DCT: variants seen among roughly 807,000 people sequenced by gnomAD.
DCT encodes the protein L-dopachrome tautomerase.
Under a neutral mutation model 53.0 loss-of-function variants are expected in DCT, and 47 were observed. The ratio of observed to expected loss-of-function variants is 0.89; its 90% CI spans 0.70 to 1.13. DCT has a LOEUF of 1.13. DCT is among the 50% of genes most tolerant of loss of function. The pLI, the probability that DCT is intolerant of heterozygous loss-of-function variation, is 0.00. For missense variants in DCT, 669 were observed against 637.4 expected (o/e 1.05, Z -0.53); for synonymous variants, 244 against 237.0 (o/e 1.03, Z -0.27).
At chr13:94,521,392 C>A in the DCT span, among the ~76,000 whole-genome samples, 4 of 152,168 alleles carry the variant, frequency 2.6e-5, no homozygotes, top group Admixed American at 2.6e-4. Flanking sequence ...CTTTAGTGGC[C>A]GGGCACGGTG....
chr13:94,535,695 T>C, the DCT span, among the ~76,000 whole-genome samples: 2 of 152,180 alleles, frequency 1.3e-5, no homozygotes, highest in African/African-American at 4.8e-5. Flanking sequence ...TGAAAATACA[T>C]GCAACATTCC....
the DCT span, among the ~76,000 whole-genome samples, chr13:94,520,231 T>C: frequency 1.3e-5 from 2 of 152,238 alleles, no homozygotes; most frequent in Non-Finnish European, 2.9e-5. Context: ...CTTTGTTCTC[T>C]TTATTTCACA....
At chr13:94,495,400 C>G in the DCT span, among the ~76,000 whole-genome samples, 1 of 152,142 alleles carries the variant, frequency 6.6e-6, no homozygotes, top group Non-Finnish European at 1.5e-5. Context: ...ACCGGCCTTA[C>G]ATGCTTATTT....
At chr13:94,515,748 G>A in the DCT span, among the ~76,000 whole-genome samples, 1 of 152,170 alleles carries the variant, frequency 6.6e-6, no homozygotes, top group East Asian at 1.9e-4. Flanking sequence ...TCTCCAAGAA[G>A]CCACTGCAGC....
At position 94,479,272 on chromosome 13, in the gene DCT, G is replaced by A; in HGVS notation, c.-17C>T. Reference sequence around the variant, plus strand: ...GGGGCTCATGGCTTTATAATTGGGAGAGCTCTCTCTCTCTCTTACTTTCCT... The same window carrying A: ...GGGGCTCATGGCTTTATAATTGGGAAAGCTCTCTCTCTCTCTTACTTTCCT... On this transcript the variant is annotated 5_prime_UTR_variant, in exon 1 of 8. Transcript: ENST00000377028. 1.3e-6 allele frequency: 2 copies of A among 1,548,716 alleles called. No homozygotes were observed.
At chr13:94,442,762 T>C (rs16949829) in intron 7 of DCT, among the ~76,000 whole-genome samples, 21,974 of 152,186 alleles carry the variant, frequency 0.14, 1,907 homozygotes, top group Non-Finnish European at 0.2. Context: ...CATGAACCTA[T>C]CCATCGCAGG....
At chr13:94,494,019 T>C in the DCT span, among the ~76,000 whole-genome samples, 2 of 152,168 alleles carry the variant, frequency 1.3e-5, no homozygotes, top group South Asian at 4.1e-4. Flanking sequence ...AGGCTATTAA[T>C]TTTTTTAAAT....
At chr13:94,446,621 A>G (rs1403918669) in intron 6 of DCT, among the ~76,000 whole-genome samples, 1 of 152,224 alleles carries the variant, frequency 6.6e-6, no homozygotes, top group Non-Finnish European at 1.5e-5. Context: ...TGGCTTAGAC[A>G]ACAGGCATTT....
At chr13:94,523,730 A>G in the DCT span, among the ~76,000 whole-genome samples, 1 of 152,142 alleles carries the variant, frequency 6.6e-6, no homozygotes, top group Non-Finnish European at 1.5e-5. Flanking sequence ...CCCTGCCCTA[A>G]TTGGGGAGAA....
At chr13:94,441,715 T>A (rs919605790) in intron 7 of DCT, among the ~76,000 whole-genome samples, 1 of 152,220 alleles carries the variant, frequency 6.6e-6, no homozygotes, top group African/African-American at 2.4e-5. Flanking sequence ...CCACTGTATG[T>A]ATGTACCACA....
chr13:94,464,670 A>G (rs1331579033), intron 4 of DCT, among the ~76,000 whole-genome samples: 3 of 152,034 alleles, frequency 2.0e-5, no homozygotes, highest in Admixed American at 6.6e-5. Flanking sequence ...ACAAAAAACA[A>G]AACAAATTTT....
At position 94,443,683 on chromosome 13, in the gene DCT, C is replaced by T. The variant is rs188816172; in HGVS notation, c.1180-46G>A. On this transcript the variant is annotated intron_variant, in intron 6 of 7. Coordinates refer to ENST00000377028, the MANE Select transcript of DCT (RefSeq NM_001922.5). ...GCATTTAACATAAATCAGTCTGTTC[C>T]GATCACACCAACCTGACTGTTGCTT... 151 of 1,454,208 alleles carry T rather than the reference C, an allele frequency of 1.0e-4. 4 individuals carry two copies. The South Asian group carries it at 1.1e-3, about 10-fold the overall frequency. 90.1% of individuals were successfully genotyped at this position (1,454,208 alleles called of 1,614,324 possible).
rs1300982111 is a variant in DCT at position 94,462,140 on chromosome 13, C to A, written c.913G>T (p.Gly305Cys). 1 of 1,613,368 alleles carries A rather than the reference C, an allele frequency of 6.2e-7. No homozygotes were observed. The highest frequency in any genetic ancestry group is 1.3e-5 in the African/African-American group (1 of 74,846). Residue 305 changes from glycine (G) to cysteine (C), a missense_variant, in exon 5 of 8, where the codon GGT (glycine) becomes TGT (cysteine). Gly to Cys is a radical substitution (Grantham distance 159, BLOSUM62 -3). Transcript: ENST00000377028. ...LVTLCNGTYE[G>C]LLRRNQMGRN... ...CCCATTTGATTTCTTCTCAGCAAAC[C>A]TTCATAGGTTCCATTGCACAAGGTG...
chr13:94,506,828 A>T, the DCT span, among the ~76,000 whole-genome samples: 1 of 152,236 alleles, frequency 6.6e-6, no homozygotes, highest in African/African-American at 2.4e-5. Context: ...TATCAATATC[A>T]TGTACATCCT....
the DCT span, among the ~76,000 whole-genome samples, chr13:94,535,916 T>C: frequency 6.6e-6 from 1 of 152,298 alleles, no homozygotes; most frequent in East Asian, 1.9e-4. Flanking sequence ...CGAGGAAGAA[T>C]GTCTCCTGCC....
At chr13:94,443,916 T>A (rs1282545084) in intron 6 of DCT, among the ~76,000 whole-genome samples, 2 of 152,202 alleles carry the variant, frequency 1.3e-5, no homozygotes, top group Non-Finnish European at 2.9e-5. Context: ...TAAACCCCTT[T>A]GTCAAGTGAG....
chr13:94,544,517 T>C, the DCT span, among the ~76,000 whole-genome samples: 4 of 152,348 alleles, frequency 2.6e-5, no homozygotes, highest in Middle Eastern at 6.8e-3. Flanking sequence ...TGAAGAGCTG[T>C]TCCCTTGCTC....
chr13:94,479,433 C>T lies in DCT; in HGVS notation c.-178G>A. On this transcript the variant is annotated 5_prime_UTR_variant, in exon 1 of 8. In the 5' UTR this introduces an upstream ATG that the reference lacks. Transcript: ENST00000377028. ...GAATCACAGAGGTTACATGTGTGCA[C>T]ATGTGTACATGAACGTGCACACACA... 1 of 607,910 alleles carries T rather than the reference C, an allele frequency of 1.6e-6. No individual in the cohort carries two copies. The highest frequency in any genetic ancestry group is 2.8e-6 in the Non-Finnish European group (1 of 356,476). 37.7% of individuals were successfully genotyped at this position (607,910 alleles called of 1,614,324 possible). A position where few individuals can be genotyped will look rare whatever the true frequency, so the allele number is the denominator to read the frequency against.
chr13:94,547,984 A>AAAAAAAAAAAATATATATATAT, the DCT span, among the ~76,000 whole-genome samples: 1 of 65,820 alleles, frequency 1.5e-5, no homozygotes, highest in African/African-American at 1.3e-4. Flanking sequence ...AAAAAAAAAA[A>AAAAAAAAAAAATATATATATAT]ATATATATAT....
Sources: allele counts gnomAD v4.1 joint callset (sites outside exome capture counted in the v4.1 genomes callset), GRCh38; gene constraint gnomAD v4.1.1; transcripts MANE v1.5; gene names NCBI Gene and HGNC (gene_info 2026-07-23, HGNC 2026-07-21).